QSOX1: variants seen among roughly 807,000 people sequenced by gnomAD.
QSOX1 encodes quiescin sulfhydryl oxidase 1, also known as sulfhydryl oxidase 1.
Under a neutral mutation model 76.1 loss-of-function variants are expected in QSOX1, and 40 were observed. The observed-to-expected ratio is 0.53, with a 90% confidence interval of 0.41 to 0.68. The LOEUF (loss-of-function observed/expected upper bound fraction) is 0.68. Ranked by LOEUF, QSOX1 falls within the 30% of genes least tolerant of loss-of-function variation. The probability of loss-of-function intolerance (pLI) is 0.00; values close to 1 mark genes in which losing one functional copy is unlikely to be tolerated. For missense variants in QSOX1, 931 were observed against 974.3 expected (o/e 0.96, Z 0.59); for synonymous variants, 392 against 413.1 (o/e 0.95, Z 0.62).
At chr1:180,177,686 C>T (rs921779097) in intron 4 of QSOX1, among the ~76,000 whole-genome samples, 19 of 152,286 alleles carry the variant, frequency 1.2e-4, no homozygotes, top group Admixed American at 1.2e-3. Context: ...TGCTCTTCTG[C>T]CAGCCTAGGG....
intron 6 of QSOX1, among the ~76,000 whole-genome samples, chr1:180,182,764 A>G (rs1663072859): frequency 6.6e-6 from 1 of 152,246 alleles, no homozygotes; most frequent in South Asian, 2.1e-4. Flanking sequence ...AGAGAAAACA[A>G]TCAGGCCAGC....
intron 1 of QSOX1, among the ~76,000 whole-genome samples, chr1:180,156,212 C>G (rs1662373828): frequency 6.6e-6 from 1 of 152,216 alleles, no homozygotes; most frequent in Non-Finnish European, 1.5e-5. Context: ...TTTAAAGATT[C>G]CTGTGGTGTC....
chr1:180,161,085 T>TGGG (rs1460695213), intron 1 of QSOX1, among the ~76,000 whole-genome samples: 1 of 152,052 alleles, frequency 6.6e-6, no homozygotes, highest in African/African-American at 2.4e-5. Context: ...TCAGGGTAAG[T>TGGG]GGGAGGCAGA....
rs543570678 is a variant in QSOX1, at chr1:180,175,468, G to T, written c.412+102G>T. On this transcript the variant is annotated intron_variant, in intron 3 of 11. Transcript: ENST00000367602. ...TGGAGAAAGCCCTGGCAGTCGGCAG[G>T]GTCGAGGGTGAGGCGGTCCCCACGG... The T allele has an allele frequency of 5.3e-5, 69 of 1,300,102 alleles. No homozygotes were observed. The African/African-American group carries it at 9.3e-4, about 18-fold the overall frequency. 80.5% of individuals were successfully genotyped at this position (1,300,102 alleles called of 1,614,324 possible).
Position 180,196,157 on chromosome 1 carries a change from C to A in QSOX1, c.1469-105C>A. ...CATCCTCTGGAAGGGCAGTGGCGAG[C>A]CCTTTCTGCAGACAAGGAAGCTGGC... On this transcript the variant is annotated intron_variant, in intron 11 of 11. Coordinates refer to ENST00000367602, the MANE Select transcript of QSOX1 (RefSeq NM_002826.5). The surrounding 1 kb of genome is among the most constrained non-coding windows in gnomAD (Gnocchi z 4.1). The A allele has an allele frequency of 7.2e-7, 1 of 1,394,114 alleles. No individual in the cohort carries two copies. Among genetic ancestry groups the A allele is most frequent in the Non-Finnish European group, 9.7e-7 (1 of 1,026,542 alleles). 86.4% of individuals were successfully genotyped at this position (1,394,114 alleles called of 1,614,324 possible). A position where few individuals can be genotyped will look rare whatever the true frequency, so the allele number is the denominator to read the frequency against.
At chr1:180,172,337 G>A (rs1354832048) in intron 2 of QSOX1, among the ~76,000 whole-genome samples, 2 of 152,046 alleles carry the variant, frequency 1.3e-5, no homozygotes, top group Non-Finnish European at 2.9e-5. Context: ...CTGGGAGGTG[G>A]GTGCGAAGCT....
intron 5 of QSOX1, among the ~76,000 whole-genome samples, chr1:180,181,903 T>C (rs981467460): frequency 1.3e-5 from 2 of 152,216 alleles, no homozygotes; most frequent in Admixed American, 1.3e-4. Flanking sequence ...TGCTACCCAG[T>C]TGGGACTGTC....
rs906791225 is a variant in QSOX1 at position 180,176,115 on chromosome 1, G to A, written c.515+82G>A. ...GTGAGAGGGTGGTGGGAACAGCAGG[G>A]CGGGGACCCCAGTTTATTTTCCTTG... On this transcript the variant is annotated intron_variant, in intron 4 of 11. Coordinates refer to ENST00000367602, the MANE Select transcript of QSOX1 (RefSeq NM_002826.5). 4.3e-6 allele frequency: 5 copies of A among 1,157,422 alleles called. No homozygotes were observed. In the Admixed American group the frequency reaches 1.1e-4, roughly 25 times the overall value. The allele number at this position is 1,157,422 out of a possible 1,614,324, so 71.7% of individuals were successfully genotyped here. A position where few individuals can be genotyped will look rare whatever the true frequency, so the allele number is the denominator to read the frequency against.
At chr1:180,166,668 T>A (rs1662638618) in intron 2 of QSOX1, 77 bp downstream of exon 2, 4 of 1,397,524 alleles carry the variant, frequency 2.9e-6, no homozygotes, top group South Asian at 1.2e-5. Context: ...CCATGTGGGA[T>A]GTGTCGGGAT....
rs1663057808 is a variant in QSOX1 at position 180,182,260 on chromosome 1, C to G, written c.693C>G (p.Val231=). ...TEANVVRKFG[V]TDFPSCYLLF... The stretch of plus-strand genomic sequence containing the variant: ...CCAATGTGGTGAGAAAGTTTGGTGT[C>G]ACCGACTTCCCCTCTTGCTACCTGC... Residue 231 remains valine (V), a synonymous_variant, in exon 6 of 12, where the codon GTC becomes GTG. Coordinates refer to ENST00000367602, the MANE Select transcript of QSOX1 (RefSeq NM_002826.5). 1 of 1,614,244 alleles carries G rather than the reference C, an allele frequency of 6.2e-7. No homozygotes were observed. Among genetic ancestry groups the G allele is most frequent in the Non-Finnish European group, 8.5e-7 (1 of 1,180,046 alleles).
chr1:180,166,838 C>T (rs1662642659), intron 2 of QSOX1, among the ~76,000 whole-genome samples: 2 of 152,208 alleles, frequency 1.3e-5, no homozygotes, highest in South Asian at 4.1e-4. Context: ...CAGGCTCTGA[C>T]CCACCTGTGG....
chr1:180,196,530 C>A lies in QSOX1; in HGVS notation c.1737C>A (p.Asp579Glu). ...LELESRNSTL[D>E]PGKPEMMKSP... is the part of the protein sequence containing the mutation. ...TGGAAAGCCGGAATTCAACTCTGGA[C>A]CCTGGGAAGCCTGAGATGATGAAGT... The change falls in exon 12 of 12, where the codon GAC (aspartate) becomes GAA (glutamate). Residue 579 changes from aspartate (D) to glutamate (E), a missense_variant. Asp to Glu is a conservative substitution (Grantham distance 45, BLOSUM62 2). Coordinates refer to ENST00000367602, the MANE Select transcript of QSOX1 (RefSeq NM_002826.5). The surrounding 1 kb of genome is among the most constrained non-coding windows in gnomAD (Gnocchi z 4.1). 6.2e-7 allele frequency: 1 copy of A among 1,614,152 alleles called. No individual in the cohort carries two copies. The highest frequency in any genetic ancestry group is 2.2e-5 in the East Asian group (1 of 44,870).
chr1:180,171,039 C>A (rs1443635295), intron 2 of QSOX1, among the ~76,000 whole-genome samples: 1 of 152,140 alleles, frequency 6.6e-6, no homozygotes, highest in East Asian at 1.9e-4. Context: ...GGACATTATT[C>A]ATTGACAGTG....
chr1:180,163,290 C>T (rs971958133), intron 1 of QSOX1, among the ~76,000 whole-genome samples: 10 of 152,198 alleles, frequency 6.6e-5, no homozygotes, highest in African/African-American at 1.9e-4. Flanking sequence ...CAAAATGACT[C>T]TCTTTTTCCC....
At chr1:180,186,874 G>GA (rs1436935823) in intron 8 of QSOX1, among the ~76,000 whole-genome samples, 2 of 152,238 alleles carry the variant, frequency 1.3e-5, no homozygotes, top group African/African-American at 2.4e-5. Flanking sequence ...CTTCCTCTCT[G>GA]AAGGTGAGAG....
intron 4 of QSOX1, among the ~76,000 whole-genome samples, chr1:180,177,723 C>T (rs1662933499): frequency 6.6e-6 from 1 of 152,184 alleles, no homozygotes; most frequent in African/African-American, 2.4e-5. Flanking sequence ...GTCTGAGAGG[C>T]TGGCCACCTG....
chr1:180,163,034 TC>T (rs1158515901), intron 1 of QSOX1, among the ~76,000 whole-genome samples: 1 of 152,110 alleles, frequency 6.6e-6, no homozygotes, highest in Non-Finnish European at 1.5e-5. Flanking sequence ...TTTCACTGTT[TC>T]CTTTTAAGAA....
At chr1:180,177,695 G>T (rs1662932822) in intron 4 of QSOX1, among the ~76,000 whole-genome samples, 1 of 152,136 alleles carries the variant, frequency 6.6e-6, no homozygotes, top group Non-Finnish European at 1.5e-5. Context: ...GCCAGCCTAG[G>T]GAAGACCCAG....
rs1472723763 is a variant in QSOX1, at chr1:180,198,346, C to A, written c.*1309C>A. The A allele has an allele frequency of 4.8e-5, 22 of 456,642 alleles. No individual in the cohort carries two copies. Among genetic ancestry groups the A allele is most frequent in the Non-Finnish European group, 8.4e-5 (19 of 226,984 alleles). 28.3% of individuals were successfully genotyped at this position (456,642 alleles called of 1,614,324 possible). On this transcript the variant is annotated 3_prime_UTR_variant, in exon 12 of 12. Transcript: ENST00000367602. The stretch of plus-strand genomic sequence containing the variant: ...GCCTAATTCCAGCTCCTCCAGGAAG[C>A]AAGGGCTTGTTTGTCAGAGCTGCAG...
Sources: gnomAD v4.1 joint callset for allele counts (sites outside exome capture counted in the v4.1 genomes callset) on GRCh38, gnomAD v4.1.1 for gene constraint, Gnocchi (gnomAD v3.1) non-coding constraint, MANE v1.5 for transcripts, NCBI Gene and HGNC (gene_info 2026-07-23, HGNC 2026-07-21) for gene names.